Variants in ASTN2 observed in about 807,000 individuals in gnomAD.
ASTN2 encodes the protein astrotactin-2.
ASTN2 carries 54 observed loss-of-function variants against 139.8 expected under a neutral mutation model. That is an observed-to-expected ratio of 0.39 (90% CI 0.31 to 0.48). ASTN2 has a LOEUF of 0.48. Ranked by LOEUF, ASTN2 falls within the 20% of genes least tolerant of loss-of-function variation. ASTN2 has a pLI of 0.95. For missense variants in ASTN2, 1,565 were observed against 1,725.1 expected (o/e 0.91, Z 1.64); for synonymous variants, 756 against 719.5 (o/e 1.05, Z -0.81).
At chr9:117,231,377 G>T (rs2133057027) in intron 2 of ASTN2, among the ~76,000 whole-genome samples, 1 of 152,274 alleles carries the variant, frequency 6.6e-6, no homozygotes, top group South Asian at 2.1e-4. Flanking sequence ...TAGCTTCTTG[G>T]TTAAAGCTCA....
intron 10 of ASTN2, among the ~76,000 whole-genome samples, chr9:116,927,287 G>C (rs1050447846): frequency 4.6e-5 from 7 of 152,156 alleles, no homozygotes; most frequent in African/African-American, 1.7e-4. Context: ...GGTTTCTACT[G>C]TTAAAGGAGA....
At chr9:117,125,493 G>T (rs1829663475) in intron 4 of ASTN2, among the ~76,000 whole-genome samples, 1 of 152,036 alleles carries the variant, frequency 6.6e-6, no homozygotes, top group African/African-American at 2.4e-5. Flanking sequence ...GCATTAATGT[G>T]GAAAGAAAAC....
chr9:116,470,032 C>T (rs1211742719), intron 20 of ASTN2, among the ~76,000 whole-genome samples: 1 of 151,654 alleles, frequency 6.6e-6, no homozygotes, highest in East Asian at 1.9e-4. Context: ...TGGCAAAACC[C>T]GCCTCTACTA....
rs1341145792 is a variant in ASTN2 at position 116,444,015 on chromosome 9, CT to C, written c.3498-1463del. Among the ~76,000 whole-genome samples, 3 of 152,266 alleles carry C rather than the reference CT, an allele frequency of 2.0e-5. No individual in the cohort carries two copies. The East Asian group carries it at 5.8e-4, about 29-fold the overall frequency. ...AAATTAATTATTATGTGCTAAGACC[CT>C]AATATGTGTCAAGCACTGAGCTAAG... On this transcript the variant is annotated intron_variant, in intron 20 of 22. Coordinates refer to ENST00000313400, the MANE Select transcript of ASTN2 (RefSeq NM_001365068.1).
Position 117,007,549 on chromosome 9 carries a change from C to A in ASTN2, c.1591+543G>T, listed in dbSNP as rs183686810. On this transcript the variant is annotated intron_variant, in intron 7 of 22. Transcript: ENST00000313400. The stretch of plus-strand genomic sequence containing the variant: ...CCACAGTGCATGTTTAGTGTCTACC[C>A]CACTAGCATGTAAGCTTCATGAGGG... Among the ~76,000 whole-genome samples, 485 of 152,260 alleles carry A rather than the reference C, an allele frequency of 3.2e-3. 3 individuals are homozygous for A. The highest frequency in any genetic ancestry group is 0.011 in the African/African-American group (457 of 41,552).
rs1472280520 is a variant in ASTN2, at chr9:116,490,326, A to AGGGTAG, written c.3356-2832_3356-2827dup. On this transcript the variant is annotated intron_variant, in intron 19 of 22. Coordinates refer to ENST00000313400, the MANE Select transcript of ASTN2 (RefSeq NM_001365068.1). ...AAAGGGGGCATTGGTGGTGAGGGTG[A>AGGGTAG]GGGTAGGGGAGAGAAAAGACATGAG... Among the ~76,000 whole-genome samples the AGGGTAG allele has an allele frequency of 2.0e-3, 243 of 119,724 alleles. 2 individuals carry two copies. Among genetic ancestry groups the AGGGTAG allele is most frequent in the Non-Finnish European group, 3.5e-3 (211 of 59,768 alleles). 78.5% of individuals were successfully genotyped at this position (119,724 alleles called of 152,430 possible). A position where few individuals can be genotyped will look rare whatever the true frequency, so the allele number is the denominator to read the frequency against.
At chr9:116,980,720 CA>C (rs1239638428) in intron 7 of ASTN2, among the ~76,000 whole-genome samples, 1 of 152,230 alleles carries the variant, frequency 6.6e-6, no homozygotes, top group Non-Finnish European at 1.5e-5. Context: ...AGATCTCCAT[CA>C]ATGCCATAGG....
chr9:116,904,630 T>C (rs545442998), intron 10 of ASTN2, among the ~76,000 whole-genome samples: 2 of 152,322 alleles, frequency 1.3e-5, no homozygotes, highest in African/African-American at 4.8e-5. Context: ...CATTAATACA[T>C]GTAAACCACT....
intron 11 of ASTN2, among the ~76,000 whole-genome samples, chr9:116,823,458 A>G (rs908821812): frequency 2.6e-5 from 4 of 152,214 alleles, no homozygotes; most frequent in East Asian, 1.9e-4. Flanking sequence ...GCTGACTGAC[A>G]TCTAGTTTTA....
intron 4 of ASTN2, among the ~76,000 whole-genome samples, chr9:117,137,779 G>A (rs1031116470): frequency 1.3e-5 from 2 of 152,042 alleles, no homozygotes; most frequent in African/African-American, 4.8e-5. Flanking sequence ...GGTAAGTTTG[G>A]AAGTATAGGG....
At chr9:117,246,950 A>T (rs1475507458) in intron 2 of ASTN2, among the ~76,000 whole-genome samples, 1 of 152,144 alleles carries the variant, frequency 6.6e-6, no homozygotes. Flanking sequence ...CAGAAGCAAC[A>T]TCTGGAATAG....
intron 3 of ASTN2, among the ~76,000 whole-genome samples, chr9:117,155,522 CAG>C (rs1830414853): frequency 6.8e-6 from 1 of 146,032 alleles, no homozygotes; most frequent in African/African-American, 2.5e-5. Flanking sequence ...GAGACAGAGA[CAG>C]AGAGGCTGTG....
chr9:116,845,874 T>C (rs550188526), intron 11 of ASTN2, among the ~76,000 whole-genome samples: 1 of 152,304 alleles, frequency 6.6e-6, no homozygotes, highest in South Asian at 2.1e-4. Context: ...CTTCTGGATA[T>C]ATATCCAAAA....
intron 7 of ASTN2, among the ~76,000 whole-genome samples, chr9:117,004,127 G>C (rs1433800017): frequency 6.6e-6 from 1 of 151,926 alleles, no homozygotes; most frequent in Non-Finnish European, 1.5e-5. Flanking sequence ...TTTATTTATT[G>C]ATTGATTTTT....
At chr9:116,681,695 G>C (rs1363047792) in intron 16 of ASTN2, among the ~76,000 whole-genome samples, 1 of 152,132 alleles carries the variant, frequency 6.6e-6, no homozygotes, top group Non-Finnish European at 1.5e-5. Flanking sequence ...CAATGGAACA[G>C]AACAGAGCCC....
intron 20 of ASTN2, among the ~76,000 whole-genome samples, chr9:116,476,934 TGCCTGCAGGAGAAAGCCCAGCTCCCCTCC>T (rs1321995837): frequency 3.3e-4 from 50 of 152,110 alleles, no homozygotes; most frequent in African/African-American, 1.2e-3. Flanking sequence ...GGCTCCCCTC[TGCCTGCAGGAGAAAGCCCAGCTCCCCTCC>T]GCCTGCAGGA....
chr9:117,098,643 G>A (rs956923673), intron 4 of ASTN2, among the ~76,000 whole-genome samples: 2 of 152,240 alleles, frequency 1.3e-5, no homozygotes, highest in African/African-American at 2.4e-5. Flanking sequence ...TCTGCCAGAT[G>A]CAGTTCTCCA....
chr9:116,460,721 T>G (rs899135683), intron 20 of ASTN2, among the ~76,000 whole-genome samples: 2 of 152,048 alleles, frequency 1.3e-5, no homozygotes, highest in African/African-American at 4.8e-5. Context: ...GCGGGGAAAG[T>G]TCTTTGTTTA....
intron 6 of ASTN2, among the ~76,000 whole-genome samples, chr9:117,021,680 C>A (rs1481303637): frequency 6.6e-6 from 1 of 152,072 alleles, no homozygotes; most frequent in Non-Finnish European, 1.5e-5. Context: ...ACTAACTAAC[C>A]AAATGATAAT....
Sources: gnomAD v4.1 joint callset for allele counts (sites outside exome capture counted in the v4.1 genomes callset) on GRCh38, gnomAD v4.1.1 for gene constraint, MANE v1.5 for transcripts, NCBI Gene and HGNC (gene_info 2026-07-23, HGNC 2026-07-21) for gene names.